Variants in PDE10A observed in about 807,000 individuals in gnomAD.
PDE10A encodes cAMP and cAMP-inhibited cGMP 3',5'-cyclic phosphodiesterase 10A.
Under a neutral mutation model 97.7 loss-of-function variants are expected in PDE10A, and 39 were observed. The observed-to-expected ratio is 0.40, with a 90% CI of 0.31 to 0.52. The LOEUF is 0.52. Ranked by LOEUF, PDE10A falls within the 20% of genes least tolerant of loss-of-function variation. The pLI is 0.56. For missense variants in PDE10A, 731 were observed against 1,047.8 expected, an observed-to-expected ratio of 0.70 and a Z score of 4.17; for synonymous variants, 371 against 376.8, an observed-to-expected ratio of 0.98 and a Z score of 0.18.
intron 9 of PDE10A, among the ~76,000 whole-genome samples, chr6:165,429,256 G>A (rs1391146154): frequency 6.6e-6 from 1 of 151,998 alleles, no homozygotes; most frequent in African/African-American, 2.4e-5. Context: ...GTTATGAACA[G>A]CGAGTAAATG....
chr6:165,622,970 T>G, intron 1 of PDE10A, among the ~76,000 whole-genome samples: 1 of 152,096 alleles, frequency 6.6e-6, no homozygotes, highest in Non-Finnish European at 1.5e-5. Context: ...CCCCCACCCT[T>G]ACTCCTGCTC....
chr6:165,400,346 C>G (rs1786545646), intron 13 of PDE10A, among the ~76,000 whole-genome samples: 1 of 152,054 alleles, frequency 6.6e-6, no homozygotes, highest in Non-Finnish European at 1.5e-5. Context: ...AACTGGACTT[C>G]TTCAGAGTTT....
chr6:165,586,854 A>T (rs1009443701), intron 1 of PDE10A, among the ~76,000 whole-genome samples: 13 of 152,218 alleles, frequency 8.5e-5, no homozygotes, highest in African/African-American at 3.1e-4. Flanking sequence ...AGTCTTTCTT[A>T]TATAACTCTT....
intron 18 of PDE10A, among the ~76,000 whole-genome samples, chr6:165,362,221 A>G (rs998048923): frequency 6.6e-6 from 1 of 152,288 alleles, no homozygotes; most frequent in Non-Finnish European, 1.5e-5. Context: ...TGAGAAAAAC[A>G]TTAGAAAAAA....
chr6:165,431,527 TATACTATATATA>T (rs1294830032), intron 7 of PDE10A, 55 bp from the exon 8 acceptor site: 58 of 604,508 alleles, frequency 9.6e-5, no homozygotes, highest in South Asian at 2.9e-4. Flanking sequence ...CGTATATATA[TATACTATATATA>T]ATATACTATA....
intron 2 of PDE10A, among the ~76,000 whole-genome samples, chr6:165,503,219 C>T (rs575985251): frequency 1.3e-5 from 2 of 152,264 alleles, no homozygotes; most frequent in African/African-American, 2.4e-5. Flanking sequence ...CTCATCCCCT[C>T]CATTCTTTTC....
chr6:165,608,821 A>G (rs1435307503), intron 1 of PDE10A, among the ~76,000 whole-genome samples: 1 of 152,178 alleles, frequency 6.6e-6, no homozygotes, highest in Non-Finnish European at 1.5e-5. Flanking sequence ...GTGTGAGATG[A>G]TATCTCATTG....
chr6:165,453,400 G>A (rs1404987487), intron 3 of PDE10A, among the ~76,000 whole-genome samples: 2 of 152,206 alleles, frequency 1.3e-5, no homozygotes, highest in African/African-American at 4.8e-5. Context: ...AAGTAGCAGG[G>A]TGCTATTCAT....
chr6:165,624,459 G>A (rs60458966), intron 1 of PDE10A, among the ~76,000 whole-genome samples: 29,519 of 152,122 alleles, frequency 0.19, 4,350 homozygotes, highest in African/African-American at 0.42. Flanking sequence ...AATGTAATTC[G>A]TCAGCTCTGA....
At chr6:165,457,542 C>T (rs1019798923) in intron 3 of PDE10A, among the ~76,000 whole-genome samples, 2 of 152,066 alleles carry the variant, frequency 1.3e-5, no homozygotes, top group East Asian at 3.9e-4. Context: ...CTAACATTGT[C>T]AAGCTATATG....
chr6:165,739,166 C>T (rs1481827803), intron 1 of PDE10A, among the ~76,000 whole-genome samples: 2 of 152,026 alleles, frequency 1.3e-5, no homozygotes, highest in African/African-American at 2.4e-5. Context: ...ATCACAGGAC[C>T]CTGGATAGTC....
chr6:165,494,455 T>TG (rs147975310), intron 2 of PDE10A, among the ~76,000 whole-genome samples: 8,102 of 132,346 alleles, frequency 0.061, 349 homozygotes, highest in East Asian at 0.17. Context: ...AAAGAAAATG[T>TG]GGGGGGGGGT....
intron 3 of PDE10A, 146 bp downstream of exon 3, chr6:165,482,168 TC>T: frequency 1.4e-6 from 1 of 691,824 alleles, no homozygotes; most frequent in Non-Finnish European, 2.7e-6. Context: ...CTGACTTTAT[TC>T]CATATTAATG....
At chr6:165,599,269 C>T (rs576612998) in intron 1 of PDE10A, among the ~76,000 whole-genome samples, 36 of 152,330 alleles carry the variant, frequency 2.4e-4, no homozygotes, top group Admixed American at 1.9e-3. Context: ...AGACACAAAA[C>T]GTAAGCCTTC....
intron 1 of PDE10A, among the ~76,000 whole-genome samples, chr6:165,556,626 T>C (rs962060548): frequency 6.6e-6 from 1 of 152,122 alleles, no homozygotes; most frequent in Non-Finnish European, 1.5e-5. Flanking sequence ...TGCTGGACAA[T>C]AGCCATGAAA....
chr6:165,697,739 T>C (rs2128443052), intron 1 of PDE10A, among the ~76,000 whole-genome samples: 1 of 152,300 alleles, frequency 6.6e-6, no homozygotes, highest in East Asian at 1.9e-4. Context: ...ACTTAATGGG[T>C]GAGTTTCAGT....
chr6:165,974,237 G>T (rs982098824), intron 1 of PDE10A, among the ~76,000 whole-genome samples: 2 of 152,172 alleles, frequency 1.3e-5, no homozygotes, highest in African/African-American at 2.4e-5. Context: ...ATCAGAAAAT[G>T]GTCATGGGCC....
At chr6:165,601,023 T>G (rs1786914362) in intron 1 of PDE10A, among the ~76,000 whole-genome samples, 1 of 152,186 alleles carries the variant, frequency 6.6e-6, no homozygotes, top group African/African-American at 2.4e-5. Context: ...TTGAATTGTA[T>G]CTCCCAGAAT....
intron 1 of PDE10A, among the ~76,000 whole-genome samples, chr6:165,814,778 AAG>A (rs1302807160): frequency 6.6e-6 from 1 of 152,078 alleles, no homozygotes; most frequent in Non-Finnish European, 1.5e-5. Flanking sequence ...GCCTACCACA[AAG>A]AGAAAGCTAA....
Sources: gnomAD v4.1 joint callset for allele counts (sites outside exome capture counted in the v4.1 genomes callset) on GRCh38, gnomAD v4.1.1 for gene constraint, MANE v1.5 for transcripts, NCBI Gene and HGNC (gene_info 2026-07-23, HGNC 2026-07-21) for gene names.